MUC12: variants seen among roughly 807,000 people sequenced by gnomAD.
The protein encoded by MUC12 is mucin 12, cell surface associated, also known as mucin-12.
In MUC12, 172 loss-of-function variants were observed where a neutral mutation model predicts 230.8. The observed-to-expected ratio is 0.75, with a 90% CI of 0.66 to 0.85. The LOEUF is 0.85. Ranked by LOEUF, MUC12 falls within the 40% of genes least tolerant of loss-of-function variation. The pLI is 0.00. For missense variants in MUC12, 3,506 were observed against 5,920.6 expected (o/e 0.59, Z 13.38); for synonymous variants, 1,259 against 2,401.9 (o/e 0.52, Z 13.91).
chr7:100,973,434 C>G (rs1792953888), intron 1 of MUC12, among the ~76,000 whole-genome samples: 1 of 7,022 alleles, frequency 1.4e-4, no homozygotes, highest in South Asian at 3.1e-3. Context: ...TGCCCCAGCC[C>G]CTACTACAGG....
rs369115307 is a variant in MUC12 at position 100,995,648 on chromosome 7, A to T, written c.5085A>T (p.Ser1695=). The change falls in exon 2 of 12, where the codon TCA becomes TCT. Residue 1695 remains serine, a synonymous_variant. Transcript: ENST00000536621. ...ESTTFQSWPS[S]KDTMPAPPTT... The stretch of plus-strand genomic sequence containing the variant: ...CCACCTTCCAGAGCTGGCCAAGCTC[A>T]AAGGACACTATGCCTGCACCTCCTA... 8.5e-6 allele frequency: 13 copies of T among 1,536,776 alleles called. 1 individual carries two copies. The African/African-American group carries it at 1.8e-4, about 21-fold the overall frequency.
Position 100,992,157 on chromosome 7 carries a change from C to A in MUC12, c.1594C>A (p.His532Asn). 5 of 1,537,914 alleles carry A rather than the reference C, an allele frequency of 3.3e-6. No homozygotes were observed. Among genetic ancestry groups the A allele is most frequent in the South Asian group, 1.2e-5 (1 of 84,060 alleles). Residue 532 changes from histidine (H) to asparagine (N), a missense_variant, in exon 2 of 12, where the codon CAC becomes AAC. Coordinates refer to ENST00000536621, the MANE Select transcript of MUC12 (RefSeq NM_001164462.2). ...CTCCCACAGCCGACCAGGCTCAACA[C>A]ACACAACAGCATTCCCTGGCAGTAC... The part of the protein sequence containing the change: ...TTSHSRPGST[H>N]TTAFPGSTTM...
Position 101,004,458 on chromosome 7 carries a change from C to G in MUC12, c.13895C>G (p.Thr4632Ser), listed in dbSNP as rs1793694539. ...TASGRSEESR[T>S]SHSSTTHTIS... Reference sequence around the variant, plus strand: ...TCAGGTCGTAGTGAAGAATCAAGAACTTCCCACAGCAGCACAACACACACA... The same window carrying G: ...TCAGGTCGTAGTGAAGAATCAAGAAGTTCCCACAGCAGCACAACACACACA... The change falls in exon 2 of 12, where the codon ACT becomes AGT. Residue 4632 changes from threonine (T) to serine (S), a missense_variant. Thr to Ser is a moderately conservative substitution (Grantham distance 58). Transcript: ENST00000536621. The G allele has an allele frequency of 4.6e-6, 7 of 1,528,214 alleles. No homozygotes were observed. The highest frequency in any genetic ancestry group is 1.2e-5 in the South Asian group (1 of 83,372). The allele number at this position is 1,528,214 out of a possible 1,614,324, so 94.7% of individuals were successfully genotyped here.
chr7:101,014,986 A>G (rs1180854700), intron 9 of MUC12, among the ~76,000 whole-genome samples: 1 of 152,016 alleles, frequency 6.6e-6, no homozygotes. Context: ...CTTTTGAGAT[A>G]ATGATGTTAA....
chr7:101,016,462 C>G (rs952124789), intron 10 of MUC12, among the ~76,000 whole-genome samples: 1 of 152,092 alleles, frequency 6.6e-6, no homozygotes, highest in African/African-American at 2.4e-5. Context: ...CATGCCACCA[C>G]GCGTGGCTAA....
intron 3 of MUC12, 105 bp from the exon 4 acceptor site, chr7:101,008,529 A>C: frequency 7.1e-7 from 1 of 1,405,334 alleles, no homozygotes; most frequent in Non-Finnish European, 9.4e-7. Flanking sequence ...CCTTCCTCTT[A>C]AGTTTCTTTC....
chr7:101,004,959 G>A lies in MUC12; in HGVS notation c.14396G>A (p.Ser4799Asn), dbSNP rs1407776998. ...AGTCAGGAATCAACAACTTTCCACA[G>A]TAAGCCAGGCTCAACTGAGACAACA... Reference protein sequence around the residue: ...GLSQESTTFHSKPGSTETTLS... With the variant: ...GLSQESTTFHNKPGSTETTLS... The change falls in exon 2 of 12, where the codon AGT becomes AAT. Residue 4799 changes from serine to asparagine, a missense_variant. By Grantham distance (46) the Ser-to-Asn change is conservative (BLOSUM62 1). Transcript: ENST00000536621. 1.3e-6 allele frequency: 2 copies of A among 1,537,710 alleles called. No individual in the cohort carries two copies. The highest frequency in any genetic ancestry group is 8.7e-7 in the Non-Finnish European group (1 of 1,147,044).
chr7:100,979,526 A>G (rs993899208), intron 1 of MUC12, among the ~76,000 whole-genome samples: 5 of 152,194 alleles, frequency 3.3e-5, no homozygotes, highest in Non-Finnish European at 5.9e-5. Flanking sequence ...TCATGCCTGC[A>G]ATCTCAGCAC....
At chr7:101,010,362 G>A (rs1437967147) in intron 5 of MUC12, among the ~76,000 whole-genome samples, 2 of 152,030 alleles carry the variant, frequency 1.3e-5, no homozygotes, top group Non-Finnish European at 2.9e-5. Flanking sequence ...TCGGGGGCAG[G>A]GTCTCGCTCT....
intron 1 of MUC12, among the ~76,000 whole-genome samples, chr7:100,970,850 A>G (rs2116248014): frequency 6.6e-6 from 1 of 152,294 alleles, no homozygotes; most frequent in South Asian, 2.1e-4. Context: ...ACAAAAAATT[A>G]GCCGGGCGAG....
chr7:101,010,908 C>A (rs2116355482), intron 5 of MUC12, among the ~76,000 whole-genome samples: 1 of 152,182 alleles, frequency 6.6e-6, no homozygotes, highest in South Asian at 2.1e-4. Flanking sequence ...CCTCGGCCTC[C>A]CAAATTGCTG....
Position 100,995,460 on chromosome 7 carries a change from A to G in MUC12, c.4897A>G (p.Thr1633Ala), listed in dbSNP as rs1280850519. The change falls in exon 2 of 12, where the codon ACT becomes GCT. Residue 1633 changes from threonine (T) to alanine (A), a missense_variant. Physicochemically the swap from Thr to Ala is moderately conservative, Grantham distance 58 (BLOSUM62 0). Transcript: ENST00000536621. ...AGCATCATCCCTTGGTCCAGAATCT[A>G]CTACTTTCCACAGCAGCCCAGGCTC... is the stretch of plus-strand genomic sequence containing the variant. ...TTASSLGPES[T>A]TFHSSPGSTE... is the part of the protein sequence containing the mutation. 4.6e-6 allele frequency: 7 copies of G among 1,526,382 alleles called. No individual in the cohort carries two copies. The Admixed American group carries it at 5.9e-5, about 13-fold the overall frequency. The allele number at this position is 1,526,382 out of a possible 1,614,324, so 94.6% of individuals were successfully genotyped here. A position where few individuals can be genotyped will look rare whatever the true frequency, so the allele number is the denominator to read the frequency against.
Position 100,991,943 on chromosome 7 carries a change from T to C in MUC12, c.1380T>C (p.Val460=). The C allele has an allele frequency of 6.5e-7, 1 of 1,537,668 alleles. No individual in the cohort carries two copies. The highest frequency in any genetic ancestry group is 2.4e-5 in the East Asian group (1 of 40,902). The part of the protein sequence containing the change: ...TVLPAGSTPS[V]LVGDSTPSPI... The stretch of plus-strand genomic sequence containing the variant: ...TACCTGCCGGCTCTACACCCTCAGT[T>C]CTTGTTGGAGACTCGACGCCCTCAC... The change falls in exon 2 of 12, where the codon GTT becomes GTC. Residue 460 remains valine, a synonymous_variant. Transcript: ENST00000536621.
chr7:101,014,402 G>T, intron 9 of MUC12: 1 of 218,014 alleles, frequency 4.6e-6, no homozygotes, highest in South Asian at 9.8e-5. Context: ...ATCTGGTGAG[G>T]ACTTTCTTGC....
Position 101,005,649 on chromosome 7 carries a change from C to T in MUC12, c.14956+130C>T, listed in dbSNP as rs900110052. 2.6e-5 allele frequency: 32 copies of T among 1,211,536 alleles called. No individual in the cohort carries two copies. The Admixed American group carries it at 7.1e-4, about 27-fold the overall frequency. 75.0% of individuals were successfully genotyped at this position (1,211,536 alleles called of 1,614,324 possible). A position where few individuals can be genotyped will look rare whatever the true frequency, so the allele number is the denominator to read the frequency against. ...ACTTTACTTGGGTCTACCGATTATC[C>T]AGTTTCTGGGTTCGATACCACTTCC... On this transcript the variant is annotated intron_variant, in intron 2 of 11. Transcript: ENST00000536621.
At position 101,004,765 on chromosome 7, in the gene MUC12, C is replaced by G. The variant is rs1169052437; in HGVS notation, c.14202C>G (p.Leu4734=). ...CCAGCACTGCCACAACACCAGGCCTCAGTGCAAAATCTACCATCCTTTACA... is the reference window on the plus strand; with the variant it reads ...CCAGCACTGCCACAACACCAGGCCTGAGTGCAAAATCTACCATCCTTTACA... ...TLASTATTPG[L]SAKSTILYSS... Residue 4734 remains leucine (L), a synonymous_variant, in exon 2 of 12, where the codon CTC becomes CTG. Transcript: ENST00000536621. 1.3e-6 allele frequency: 2 copies of G among 1,537,350 alleles called. No homozygotes were observed. The highest frequency in any genetic ancestry group is 1.7e-6 in the Non-Finnish European group (2 of 1,146,680).
rs1417291167 is a variant in MUC12 at position 100,995,387 on chromosome 7, C to T, written c.4824C>T (p.His1608=). 6 of 1,533,638 alleles carry T rather than the reference C, an allele frequency of 3.9e-6. No homozygotes were observed. The highest frequency in any genetic ancestry group is 5.2e-6 in the Non-Finnish European group (6 of 1,145,132). ...TCAGTCAGGAATCTACAGCTTCCCACAGCAGCCCAGGCTCCACAGACACAA... is the reference window on the plus strand; with the variant it reads ...TCAGTCAGGAATCTACAGCTTCCCATAGCAGCCCAGGCTCCACAGACACAA... ...PGVSQESTAS[H]SSPGSTDTTL... The change falls in exon 2 of 12, where the codon CAC becomes CAT. Residue 1608 remains histidine (H), a synonymous_variant. Transcript: ENST00000536621.
intron 1 of MUC12, among the ~76,000 whole-genome samples, chr7:100,980,874 TG>T (rs1197773473): frequency 6.6e-6 from 1 of 152,102 alleles, no homozygotes; most frequent in East Asian, 1.9e-4. Flanking sequence ...GCTAAGGTTG[TG>T]CCACTGCACT....
rs1431987018 is a variant in MUC12, at chr7:101,003,477, G to A, written c.12914G>A (p.Ser4305Asn). ...CTTGAAGCATCTACACCCGTCCACAGCAGCACTGGATCGCCACACACAACA... is the reference window on the plus strand; with the variant it reads ...CTTGAAGCATCTACACCCGTCCACAACAGCACTGGATCGCCACACACAACA... Reference protein sequence around the residue: ...GLLEASTPVHSSTGSPHTTLS... With the variant: ...GLLEASTPVHNSTGSPHTTLS... The change falls in exon 2 of 12, where the codon AGC becomes AAC. Residue 4305 changes from serine to asparagine, a missense_variant. Transcript: ENST00000536621. The A allele has an allele frequency of 1.3e-6, 2 of 1,488,396 alleles. No homozygotes were observed. Among genetic ancestry groups the A allele is most frequent in the South Asian group, 1.2e-5 (1 of 83,026 alleles). The allele number at this position is 1,488,396 out of a possible 1,614,324, so 92.2% of individuals were successfully genotyped here.
Sources: allele counts gnomAD v4.1 joint callset (sites outside exome capture counted in the v4.1 genomes callset), GRCh38; gene constraint gnomAD v4.1.1; transcripts MANE v1.5; gene names NCBI Gene and HGNC (gene_info 2026-07-23, HGNC 2026-07-21).